STK33: variants seen among roughly 807,000 people sequenced by gnomAD.
STK33 encodes the protein serine/threonine-protein kinase 33.
STK33 carries 52 observed loss-of-function variants against 58.0 expected under a neutral mutation model. The observed-to-expected ratio is 0.90, with a 90% CI of 0.72 to 1.13. The LOEUF is 1.13. STK33 is among the 50% of genes most tolerant of loss of function. The probability of loss-of-function intolerance (pLI) is 0.00; values close to 1 mark genes in which losing one functional copy is unlikely to be tolerated. For synonymous variants in STK33, 215 were observed against 200.1 expected, an observed-to-expected ratio of 1.07 and a Z score of -0.63; for missense variants, 630 against 604.2, an observed-to-expected ratio of 1.04 and a Z score of -0.45.
the STK33 span, among the ~76,000 whole-genome samples, chr11:8,353,603 C>T: frequency 6.6e-6 from 1 of 152,138 alleles, no homozygotes; most frequent in African/African-American, 2.4e-5. Context: ...GTGCCACCAC[C>T]CCCTCCTCTT....
intron 1 of STK33, among the ~76,000 whole-genome samples, chr11:8,534,200 G>C (rs979004440): frequency 6.6e-6 from 1 of 151,966 alleles, no homozygotes; most frequent in African/African-American, 2.4e-5. Flanking sequence ...GCTTGAACCC[G>C]GGAGGCAGAG....
chr11:8,365,931 G>A, the STK33 span, among the ~76,000 whole-genome samples: 1 of 152,294 alleles, frequency 6.6e-6, no homozygotes, highest in Middle Eastern at 3.4e-3. Flanking sequence ...CCGCCTGTCT[G>A]TATATCTGTC....
intron 1 of STK33, among the ~76,000 whole-genome samples, chr11:8,541,021 CATT>C (rs1467217551): frequency 6.7e-6 from 1 of 149,326 alleles, no homozygotes; most frequent in Non-Finnish European, 1.5e-5. Flanking sequence ...TATCTCATAA[CATT>C]ATGCTGTAAA....
intron 14 of STK33, among the ~76,000 whole-genome samples, chr11:8,417,912 A>C (rs969300744): frequency 6.6e-6 from 1 of 152,124 alleles, no homozygotes; most frequent in Non-Finnish European, 1.5e-5. Context: ...CTCTCTGACC[A>C]GTAAGTCCAC....
intron 1 of STK33, among the ~76,000 whole-genome samples, chr11:8,593,305 A>G (rs1336575026): frequency 1.1e-4 from 17 of 151,998 alleles, no homozygotes. Flanking sequence ...GGACTATCCT[A>G]TTTTCTGGTT....
intron 11 of STK33, among the ~76,000 whole-genome samples, chr11:8,449,467 G>T (rs954252170): frequency 6.6e-5 from 10 of 151,678 alleles, no homozygotes; most frequent in African/African-American, 1.7e-4. Flanking sequence ...AAAATGATGA[G>T]TTCAGGTCCT....
intron 15 of STK33, among the ~76,000 whole-genome samples, chr11:8,409,829 C>T (rs759126456): frequency 2.0e-5 from 3 of 152,034 alleles, no homozygotes; most frequent in Admixed American, 6.6e-5. Flanking sequence ...AAGAGTGTTA[C>T]GTGCATGATT....
In STK33 at chr11:8,517,508, A is replaced by G. The variant is rs1459938089; in HGVS notation, c.-465-36894T>C. Among the ~76,000 whole-genome samples the G allele has an allele frequency of 1.3e-5, 2 of 152,232 alleles. 1 individual carries two copies. The highest frequency in any genetic ancestry group is 1.3e-4 in the Admixed American group (2 of 15,284). On this transcript the variant is annotated intron_variant, in intron 1 of 15. Transcript: ENST00000687296. The stretch of plus-strand genomic sequence containing the variant: ...ATGACTTTGACAAGTTGAGAGAAGA[A>G]GGCTTCAGACGATCGGTAATAACAA...
chr11:8,470,111 T>C (rs554736299), intron 6 of STK33, among the ~76,000 whole-genome samples: 7 of 152,370 alleles, frequency 4.6e-5, no homozygotes, highest in African/African-American at 1.7e-4. Flanking sequence ...AAGCCAAGCA[T>C]TGATTACTCC....
In STK33 at chr11:8,392,254, G is replaced by T; in HGVS notation, c.*256C>A. Reference sequence around the variant, plus strand: ...GTATCTGCCCCCCTAAAAAACCTTCGTGTACATCTTGAGTTGATTTCCACT... The same window carrying T: ...GTATCTGCCCCCCTAAAAAACCTTCTTGTACATCTTGAGTTGATTTCCACT... On this transcript the variant is annotated 3_prime_UTR_variant, in exon 16 of 16. Coordinates refer to ENST00000687296, the MANE Select transcript of STK33 (RefSeq NM_001352389.2). 1 of 494,104 alleles carries T rather than the reference G, an allele frequency of 2.0e-6. No homozygotes were observed. The highest frequency in any genetic ancestry group is 3.6e-6 in the Non-Finnish European group (1 of 279,578). 30.6% of individuals were successfully genotyped at this position (494,104 alleles called of 1,614,324 possible).
intron 6 of STK33, among the ~76,000 whole-genome samples, chr11:8,468,987 C>G (rs1948507868): frequency 6.6e-6 from 1 of 152,096 alleles, no homozygotes; most frequent in African/African-American, 2.4e-5. Context: ...ACAAACATAA[C>G]AATGCAATTG....
chr11:8,374,526 A>G, the STK33 span, among the ~76,000 whole-genome samples: 1 of 152,204 alleles, frequency 6.6e-6, no homozygotes, highest in South Asian at 2.1e-4. Flanking sequence ...AGAAAGAGAG[A>G]GAGAGACAGA....
chr11:8,526,463 A>G (rs1329168760), intron 1 of STK33, among the ~76,000 whole-genome samples: 1 of 152,128 alleles, frequency 6.6e-6, no homozygotes, highest in Non-Finnish European at 1.5e-5. Context: ...TATCTATTAA[A>G]GTTAAATATA....
rs1204795303 is a variant in STK33, at chr11:8,428,467, T to A, written c.1146+7027A>T. Among the ~76,000 whole-genome samples, 3 of 152,210 alleles carry A rather than the reference T, an allele frequency of 2.0e-5. No individual in the cohort carries two copies. In the East Asian group the frequency reaches 5.8e-4, roughly 29 times the overall value. On this transcript the variant is annotated intron_variant, in intron 14 of 15. Coordinates refer to ENST00000687296, the MANE Select transcript of STK33 (RefSeq NM_001352389.2). Reference sequence around the variant, plus strand: ...CAGGGATTTCTCACTCTTCTCTGAATCCTGGTATCATGAGGTTTCTCTCTA... The same window carrying A: ...CAGGGATTTCTCACTCTTCTCTGAAACCTGGTATCATGAGGTTTCTCTCTA...
At chr11:8,433,804 C>G (rs1035194773) in intron 14 of STK33, 2 of 152,116 alleles carry the variant, frequency 1.3e-5, no homozygotes, top group Non-Finnish European at 2.9e-5. Context: ...TCAGGTTTTT[C>G]TCTTCATCGC....
the STK33 span, among the ~76,000 whole-genome samples, chr11:8,357,297 G>A: frequency 6.6e-6 from 1 of 152,394 alleles, no homozygotes; most frequent in Non-Finnish European, 1.5e-5. Flanking sequence ...CGCAATGAGT[G>A]TTTGTGGACA....
At position 8,501,433 on chromosome 11, in the gene STK33, G is replaced by C. The variant is rs889696236; in HGVS notation, c.-465-20819C>G. Among the ~76,000 whole-genome samples, 6 of 152,230 alleles carry C rather than the reference G, an allele frequency of 3.9e-5. No homozygotes were observed. In the East Asian group the frequency reaches 5.8e-4, roughly 15 times the overall value. On this transcript the variant is annotated intron_variant, in intron 1 of 15. Transcript: ENST00000687296. ...CAAATGGCCAATAAGCACATGAAAA[G>C]ATGTTCAGCATCATTAGTTATCAAG...
chr11:8,538,748 AACAC>A (rs1255208361), intron 1 of STK33, among the ~76,000 whole-genome samples: 1 of 152,212 alleles, frequency 6.6e-6, no homozygotes, highest in Non-Finnish European at 1.5e-5. Context: ...TGAATGAATG[AACAC>A]ACACACATAT....
At chr11:8,409,578 C>T (rs985568192) in intron 15 of STK33, among the ~76,000 whole-genome samples, 1 of 152,114 alleles carries the variant, frequency 6.6e-6, no homozygotes, top group Non-Finnish European at 1.5e-5. Context: ...ATCCAATCTT[C>T]CACAGTACCT....
Sources: gnomAD v4.1 joint callset for allele counts (sites outside exome capture counted in the v4.1 genomes callset) on GRCh38, gnomAD v4.1.1 for gene constraint, MANE v1.5 for transcripts, NCBI Gene and HGNC (gene_info 2026-07-23, HGNC 2026-07-21) for gene names.